AK4: variants seen among roughly 807,000 people sequenced by gnomAD.
The protein encoded by AK4 is adenylate kinase 4.
In AK4, 13 loss-of-function variants were observed where a neutral mutation model predicts 24.6. The ratio of observed to expected loss-of-function variants is 0.53; its 90% CI spans 0.34 to 0.84. The LOEUF (loss-of-function observed/expected upper bound fraction) is 0.84. Among genes scored for constraint, AK4 ranks in the 40% least tolerant of loss-of-function variants. AK4 has a pLI of 0.01. For missense variants in AK4, 192 were observed against 288.2 expected (o/e 0.67, Z 2.42); for synonymous variants, 88 against 107.0 (o/e 0.82, Z 1.10).
chr1:65,222,064 G>A (rs1026243999), intron 3 of AK4, among the ~76,000 whole-genome samples: 3 of 152,178 alleles, frequency 2.0e-5, no homozygotes, highest in African/African-American at 7.2e-5. Flanking sequence ...ACCAGCTGGT[G>A]GTGGATGCCC....
intron 1 of AK4, among the ~76,000 whole-genome samples, chr1:65,177,344 G>A (rs1201052757): frequency 6.6e-6 from 1 of 152,138 alleles, no homozygotes; most frequent in African/African-American, 2.4e-5. Context: ...TATTAAATAA[G>A]TTATAAACCT....
At chr1:65,201,978 A>C (rs149769205) in intron 2 of AK4, among the ~76,000 whole-genome samples, 261 of 152,330 alleles carry the variant, frequency 1.7e-3, no homozygotes, top group African/African-American at 6.1e-3. Context: ...TGAAATTTAG[A>C]AACAGGGAGT....
intron 2 of AK4, among the ~76,000 whole-genome samples, chr1:65,191,302 T>C (rs1211637773): frequency 6.6e-6 from 1 of 152,208 alleles, no homozygotes; most frequent in Non-Finnish European, 1.5e-5. Context: ...TTATATATAC[T>C]TTCTGATCCA....
chr1:65,164,369 G>A (rs1052887276), intron 1 of AK4, among the ~76,000 whole-genome samples: 1 of 152,116 alleles, frequency 6.6e-6, no homozygotes, highest in Non-Finnish European at 1.5e-5. Flanking sequence ...CTCAAATACT[G>A]AAGTATGGAG....
chr1:65,195,341 ATTC>A (rs201760274), intron 2 of AK4, among the ~76,000 whole-genome samples: 6,270 of 152,250 alleles, frequency 0.041, 278 homozygotes, highest in African/African-American at 0.11. Flanking sequence ...TGGAGAGAAC[ATTC>A]AAACTATAGC....
chr1:65,183,533 C>G (rs935055727), intron 1 of AK4, among the ~76,000 whole-genome samples: 1 of 152,206 alleles, frequency 6.6e-6, no homozygotes, highest in Non-Finnish European at 1.5e-5. Context: ...GCGTGAGCCA[C>G]TGTTCCCGGC....
intron 1 of AK4, among the ~76,000 whole-genome samples, chr1:65,158,815 ATTT>A (rs541179315): frequency 6.6e-6 from 1 of 151,736 alleles, no homozygotes; most frequent in East Asian, 1.9e-4. Context: ...CCCAAACTAG[ATTT>A]TTTTTAAAAA....
intron 1 of AK4, among the ~76,000 whole-genome samples, chr1:65,175,793 C>T (rs1180969906): frequency 3.9e-5 from 6 of 152,180 alleles, no homozygotes; most frequent in Non-Finnish European, 8.8e-5. Context: ...GTTTAAAACT[C>T]TTCTGTGATT....
At chr1:65,206,474 C>T (rs970760635) in intron 2 of AK4, among the ~76,000 whole-genome samples, 3 of 152,242 alleles carry the variant, frequency 2.0e-5, no homozygotes, top group Non-Finnish European at 2.9e-5. Flanking sequence ...GCAGGCCGGA[C>T]GCGGTGGCTT....
intron 1 of AK4, among the ~76,000 whole-genome samples, chr1:65,174,663 G>A (rs1279085305): frequency 6.6e-6 from 1 of 152,202 alleles, no homozygotes; most frequent in Non-Finnish European, 1.5e-5. Context: ...ATTACGGTGT[G>A]AGAGAAATTG....
At position 65,191,605 on chromosome 1, in the gene AK4, A is replaced by G. The variant is rs1570110006; in HGVS notation, c.265+776A>G. Among the ~76,000 whole-genome samples, 3 of 151,470 alleles carry G rather than the reference A, an allele frequency of 2.0e-5. No homozygotes were observed. In the East Asian group the frequency reaches 5.8e-4, roughly 30 times the overall value. ...GGGTGAAAGGGGAATGAGTTATCTT[A>G]GTATTTTTTCTGAGCCTGCAAGCAG... On this transcript the variant is annotated intron_variant, in intron 2 of 4. Transcript: ENST00000327299.
At chr1:65,201,102 T>G (rs946866010) in intron 2 of AK4, among the ~76,000 whole-genome samples, 1 of 152,160 alleles carries the variant, frequency 6.6e-6, no homozygotes, top group African/African-American at 2.4e-5. Flanking sequence ...AGTTTTCAGC[T>G]TTTTTGCTAC....
chr1:65,172,035 T>G (rs1650542462), intron 1 of AK4, among the ~76,000 whole-genome samples: 1 of 124,532 alleles, frequency 8.0e-6, no homozygotes, highest in Non-Finnish European at 1.7e-5. Context: ...CACTCCAACC[T>G]GAGCAACAGA....
intron 1 of AK4, among the ~76,000 whole-genome samples, chr1:65,169,035 C>T (rs766345357): frequency 1.3e-5 from 2 of 151,876 alleles, no homozygotes; most frequent in African/African-American, 2.4e-5. Context: ...AATTAGCCAG[C>T]TGTGGTGGTG....
At chr1:65,188,272 A>G (rs1570105626) in intron 1 of AK4, among the ~76,000 whole-genome samples, 1 of 151,904 alleles carries the variant, frequency 6.6e-6, no homozygotes, top group Non-Finnish European at 1.5e-5. Flanking sequence ...GCGCACATCT[A>G]TAATCCCAGC....
At chr1:65,162,518 T>C (rs1650201060) in intron 1 of AK4, among the ~76,000 whole-genome samples, 1 of 152,004 alleles carries the variant, frequency 6.6e-6, no homozygotes, top group South Asian at 2.1e-4. Flanking sequence ...GAATATAAAA[T>C]TTGCATACAG....
At chr1:65,225,564 A>G (rs1026691603) in intron 4 of AK4, among the ~76,000 whole-genome samples, 9 of 152,198 alleles carry the variant, frequency 5.9e-5, no homozygotes, top group Non-Finnish European at 1.3e-4. Context: ...CATGCAAGTC[A>G]AACAAAACTT....
chr1:65,230,990 T>G lies in AK4; in HGVS notation c.*4813T>G, dbSNP rs2101107745. On this transcript the variant is annotated 3_prime_UTR_variant, in exon 5 of 5. Coordinates refer to ENST00000327299, the MANE Select transcript of AK4 (RefSeq NM_013410.4). ...GGTCCTGTTCATAGTATGACTTGCT[T>G]TCTCAATATCTCCTTCAATTTTTAG... is the stretch of plus-strand genomic sequence containing the variant. The G allele has an allele frequency of 6.6e-6, 1 of 152,354 alleles. No homozygotes were observed. The highest frequency in any genetic ancestry group is 6.5e-5 in the Admixed American group (1 of 15,296). 9.4% of individuals were successfully genotyped at this position (152,354 alleles called of 1,614,324 possible). A position where few individuals can be genotyped will look rare whatever the true frequency, so the allele number is the denominator to read the frequency against.
At chr1:65,167,313 C>T (rs1650364255) in intron 1 of AK4, among the ~76,000 whole-genome samples, 2 of 151,996 alleles carry the variant, frequency 1.3e-5, no homozygotes, top group South Asian at 2.1e-4. Context: ...ATTTTTTCTT[C>T]TGCATAACTG....
Sources: gnomAD v4.1 joint callset for allele counts (sites outside exome capture counted in the v4.1 genomes callset) on GRCh38, gnomAD v4.1.1 for gene constraint, MANE v1.5 for transcripts, NCBI Gene and HGNC (gene_info 2026-07-23, HGNC 2026-07-21) for gene names.